The following PRR16 variants were observed in gnomAD, a reference collection of about 807,000 sequenced individuals.
The protein encoded by PRR16 is proline rich 16, also known as protein Largen.
Under a neutral mutation model 18.2 loss-of-function variants are expected in PRR16, and 6 were observed. That is an observed-to-expected ratio of 0.33 (90% CI 0.18 to 0.65). PRR16 has a LOEUF of 0.65. Among genes scored for constraint, PRR16 ranks in the 30% least tolerant of loss-of-function variants. The pLI is 0.74. For synonymous variants in PRR16, 151 were observed against 147.8 expected (o/e 1.02, Z -0.16); for missense variants, 412 against 376.6 (o/e 1.09, Z -0.78).
the PRR16 span, among the ~76,000 whole-genome samples, chr5:120,747,955 TTC>T: frequency 3.9e-5 from 6 of 152,258 alleles, no homozygotes; most frequent in East Asian, 3.9e-4. Flanking sequence ...TTAGAATTAC[TTC>T]TTTTTATAAT....
chr5:120,609,219 T>A (rs1229983223), intron 1 of PRR16, among the ~76,000 whole-genome samples: 1 of 152,126 alleles, frequency 6.6e-6, no homozygotes, highest in Non-Finnish European at 1.5e-5. Flanking sequence ...TAAGTAAAAT[T>A]TGACATTTTA....
intron 1 of PRR16, among the ~76,000 whole-genome samples, chr5:120,514,768 C>T (rs1465187450): frequency 6.6e-6 from 1 of 152,186 alleles, no homozygotes; most frequent in African/African-American, 2.4e-5. Flanking sequence ...ATTCTGATCA[C>T]AATAATTTAA....
At chr5:120,571,187 G>T (rs927413154) in intron 1 of PRR16, among the ~76,000 whole-genome samples, 49 of 152,166 alleles carry the variant, frequency 3.2e-4, no homozygotes, top group Middle Eastern at 3.2e-3. Flanking sequence ...AGAGCATACA[G>T]TTTGATACTC....
In PRR16 at chr5:120,612,073, G is replaced by A. The variant is rs181780750; in HGVS notation, c.160-73881G>A. ...ATTTTGGGGCTTTAAAATTTGCTCC[G>A]CTGGATTTCAAACTTGCACAGCCCT... On this transcript the variant is annotated intron_variant, in intron 1 of 1. Transcript: ENST00000407149. Among the ~76,000 whole-genome samples the A allele has an allele frequency of 7.2e-5, 11 of 152,246 alleles. No individual in the cohort carries two copies. In the East Asian group the frequency reaches 1.5e-3, roughly 21 times the overall value.
At chr5:120,616,653 C>G (rs1754519980) in intron 1 of PRR16, among the ~76,000 whole-genome samples, 1 of 152,128 alleles carries the variant, frequency 6.6e-6, no homozygotes, top group South Asian at 2.1e-4. Context: ...GCTTGACTGT[C>G]TCTTCCTGAT....
At chr5:120,769,911 G>A in the PRR16 span, among the ~76,000 whole-genome samples, 2 of 150,558 alleles carry the variant, frequency 1.3e-5, no homozygotes, top group Non-Finnish European at 1.5e-5. Flanking sequence ...CTTAACAAGT[G>A]TGAGGTGATA....
intron 1 of PRR16, among the ~76,000 whole-genome samples, chr5:120,604,335 C>T (rs1037389774): frequency 5.9e-5 from 9 of 151,874 alleles, no homozygotes; most frequent in South Asian, 4.2e-4. Context: ...TTATCATTGA[C>T]GATGTAGTTT....
intron 1 of PRR16, among the ~76,000 whole-genome samples, chr5:120,515,532 G>C (rs1750961269): frequency 6.6e-6 from 1 of 152,126 alleles, no homozygotes; most frequent in Non-Finnish European, 1.5e-5. Context: ...AAATGTAACT[G>C]AGCATGGCAC....
chr5:120,726,434 ATTT>A, the PRR16 span, among the ~76,000 whole-genome samples: 1 of 152,004 alleles, frequency 6.6e-6, no homozygotes, highest in Non-Finnish European at 1.5e-5. Context: ...ACCCCATAGT[ATTT>A]TGATTTTTTT....
chr5:120,621,177 T>C (rs2112821686), intron 1 of PRR16, among the ~76,000 whole-genome samples: 1 of 152,260 alleles, frequency 6.6e-6, no homozygotes, highest in African/African-American at 2.4e-5. Context: ...CTTACCAAAC[T>C]CTACTCCTTC....
intron 1 of PRR16, among the ~76,000 whole-genome samples, chr5:120,578,119 C>A (rs1753140423): frequency 6.6e-6 from 1 of 152,090 alleles, no homozygotes; most frequent in Non-Finnish European, 1.5e-5. Flanking sequence ...TTACTTACCC[C>A]AAATCCAAGG....
the PRR16 span, among the ~76,000 whole-genome samples, chr5:120,743,785 T>G: frequency 2.0e-5 from 3 of 152,176 alleles, no homozygotes; most frequent in African/African-American, 7.2e-5. Context: ...TTTGATAAAC[T>G]TTGCCTAACT....
At chr5:120,748,932 A>T in the PRR16 span, among the ~76,000 whole-genome samples, 1 of 152,116 alleles carries the variant, frequency 6.6e-6, no homozygotes, top group African/African-American at 2.4e-5. Flanking sequence ...TGTTGTTAGC[A>T]ATTTCTTACA....
At chr5:120,772,497 TTATG>T in the PRR16 span, among the ~76,000 whole-genome samples, 2 of 152,156 alleles carry the variant, frequency 1.3e-5, no homozygotes, top group Admixed American at 1.3e-4. Flanking sequence ...AATGTAAAGC[TTATG>T]TATTATTAAT....
At chr5:120,715,785 C>T in the PRR16 span, among the ~76,000 whole-genome samples, 10 of 152,280 alleles carry the variant, frequency 6.6e-5, no homozygotes, top group African/African-American at 2.4e-4. Context: ...TTGCTGTTCT[C>T]CTTCCCAACA....
At chr5:120,617,242 C>A in intron 1 of PRR16, 2 of 853,520 alleles carry the variant, frequency 2.3e-6, no homozygotes, top group Non-Finnish European at 1.4e-6. Context: ...CAGCACATAC[C>A]AACATTTCTA....
At chr5:120,643,158 T>TC (rs1327691388) in intron 1 of PRR16, among the ~76,000 whole-genome samples, 1 of 151,486 alleles carries the variant, frequency 6.6e-6, no homozygotes, top group East Asian at 1.9e-4. Flanking sequence ...AATAAAATGT[T>TC]TGAAACAAAG....
intron 1 of PRR16, among the ~76,000 whole-genome samples, chr5:120,530,505 T>C (rs1264633317): frequency 1.3e-5 from 2 of 151,722 alleles, no homozygotes; most frequent in African/African-American, 2.4e-5. Context: ...TCCCCCATAT[T>C]GCCTCTTAAT....
chr5:120,631,187 A>G (rs1486163691), intron 1 of PRR16, among the ~76,000 whole-genome samples: 3 of 152,154 alleles, frequency 2.0e-5, no homozygotes, highest in Non-Finnish European at 4.4e-5. Context: ...AGAGTTGATG[A>G]TTTAAAATTT....
Sources: gnomAD v4.1 joint callset for allele counts (sites outside exome capture counted in the v4.1 genomes callset) on GRCh38, gnomAD v4.1.1 for gene constraint, MANE v1.5 for transcripts, NCBI Gene and HGNC (gene_info 2026-07-23, HGNC 2026-07-21) for gene names.